The following KANK1 variants were observed in gnomAD, a reference collection of about 807,000 sequenced individuals.
The protein encoded by KANK1 is KN motif and ankyrin repeat domains 1, also known as KN motif and ankyrin repeat domain-containing protein 1.
Under a neutral mutation model 106.2 loss-of-function variants are expected in KANK1, and 109 were observed. That is an observed-to-expected ratio of 1.03 (90% CI 0.88 to 1.20). The LOEUF is 1.20. Among genes scored for constraint, KANK1 ranks in the 50% most tolerant of loss-of-function variants. The pLI is 0.00. For missense variants in KANK1, 2,399 were observed against 1,710.7 expected (o/e 1.40, Z -7.10); for synonymous variants, 873 against 652.2 (o/e 1.34, Z -5.16).
At chr9:574,224 G>A (rs1819947910) in intron 1 of KANK1, among the ~76,000 whole-genome samples, 1 of 152,246 alleles carries the variant, frequency 6.6e-6, no homozygotes, top group East Asian at 1.9e-4. Flanking sequence ...TTCCATAAAG[G>A]CTAAGGATCA....
At chr9:604,753 C>G (rs1828665312) in intron 1 of KANK1, among the ~76,000 whole-genome samples, 1 of 151,720 alleles carries the variant, frequency 6.6e-6, no homozygotes, top group African/African-American at 2.4e-5. Flanking sequence ...TCGATTGAAC[C>G]TGACAGATGG....
intron 1 of KANK1, among the ~76,000 whole-genome samples, chr9:533,543 C>T (rs778711863): frequency 9.9e-5 from 15 of 152,236 alleles, no homozygotes; most frequent in Non-Finnish European, 4.4e-5. Flanking sequence ...CCAAAACACT[C>T]TTAGACCATC....
intron 3 of KANK1, among the ~76,000 whole-genome samples, chr9:497,832 GAC>G (rs1352387933): frequency 6.9e-6 from 1 of 144,584 alleles, no homozygotes; most frequent in Non-Finnish European, 1.5e-5. Flanking sequence ...CAGCCTGGGC[GAC>G]AGAGTGAGAC....
chr9:584,358 A>C (rs1212433363), intron 1 of KANK1, among the ~76,000 whole-genome samples: 1 of 152,234 alleles, frequency 6.6e-6, no homozygotes, highest in African/African-American at 2.4e-5. Flanking sequence ...CGGTTCAACA[A>C]AGTGCTAATT....
chr9:739,098 C>G (rs750287570), intron 8 of KANK1, among the ~76,000 whole-genome samples: 1 of 152,236 alleles, frequency 6.6e-6, no homozygotes, highest in Admixed American at 6.5e-5. Flanking sequence ...ATAGTAGAAA[C>G]TTGTTATCCC....
intron 3 of KANK1, among the ~76,000 whole-genome samples, chr9:474,149 G>A (rs540881240): frequency 2.0e-5 from 3 of 152,224 alleles, no homozygotes; most frequent in African/African-American, 7.2e-5. Flanking sequence ...GGGTGAGTGA[G>A]TGTATGGATA....
At chr9:550,928 C>T (rs960424300) in intron 1 of KANK1, among the ~76,000 whole-genome samples, 19 of 152,056 alleles carry the variant, frequency 1.2e-4, no homozygotes, top group African/African-American at 4.1e-4. Context: ...GGAAAAGGCT[C>T]CAGGAGTCTT....
intron 3 of KANK1, chr9:492,018 T>C (rs1262118268): frequency 6.6e-6 from 1 of 152,244 alleles, no homozygotes; most frequent in Non-Finnish European, 1.5e-5. Context: ...CTTTCTTTTG[T>C]AAATTACCCA....
intron 1 of KANK1, among the ~76,000 whole-genome samples, chr9:613,134 A>T (rs1375345823): frequency 6.6e-6 from 1 of 152,084 alleles, no homozygotes; most frequent in Non-Finnish European, 1.5e-5. Flanking sequence ...TAAGTAGACC[A>T]GAATAGGCCA....
chr9:667,023 G>A (rs1844786731), intron 1 of KANK1, among the ~76,000 whole-genome samples: 1 of 132,928 alleles, frequency 7.5e-6, no homozygotes, highest in Non-Finnish European at 1.6e-5. Context: ...TGAAGACTTT[G>A]AGTAGAATTA....
chr9:735,743 C>G (rs1352663322), intron 7 of KANK1: 1 of 441,114 alleles, frequency 2.3e-6, no homozygotes, highest in Non-Finnish European at 4.7e-6. Flanking sequence ...CCTATGATCC[C>G]AACACTTCGG....
chr9:727,324 T>G (rs1299627638), intron 3 of KANK1, among the ~76,000 whole-genome samples: 1 of 114,642 alleles, frequency 8.7e-6, no homozygotes, highest in East Asian at 2.0e-4. Context: ...CCAAGGAAAT[T>G]TTTTTTTTTT....
At chr9:665,904 G>A (rs1197368854) in intron 1 of KANK1, among the ~76,000 whole-genome samples, 1 of 152,072 alleles carries the variant, frequency 6.6e-6, no homozygotes, top group Admixed American at 6.5e-5. Flanking sequence ...CAGGGGCCAG[G>A]CACAGTGGCT....
intron 2 of KANK1, among the ~76,000 whole-genome samples, chr9:709,475 G>T (rs1264765020): frequency 6.6e-6 from 1 of 152,170 alleles, no homozygotes; most frequent in African/African-American, 2.4e-5. Flanking sequence ...GACTTTGTCT[G>T]TCTGCTACTG....
chr9:540,681 G>C (rs1003935271), intron 1 of KANK1: 6 of 152,200 alleles, frequency 3.9e-5, no homozygotes, highest in African/African-American at 9.6e-5. Flanking sequence ...TGTGATTTCT[G>C]ATTCAATCTC....
intron 1 of KANK1, among the ~76,000 whole-genome samples, chr9:510,383 A>C (rs763300034): frequency 6.6e-6 from 1 of 152,244 alleles, no homozygotes. Context: ...CTAATAATTA[A>C]AAATACCAGT....
chr9:588,167 C>G (rs1823973307), intron 1 of KANK1, among the ~76,000 whole-genome samples: 1 of 152,006 alleles, frequency 6.6e-6, no homozygotes, highest in Non-Finnish European at 1.5e-5. Context: ...ATACCAAAGC[C>G]CATATCAGTG....
chr9:534,953 T>TA (rs1419392141), intron 1 of KANK1, among the ~76,000 whole-genome samples: 2 of 152,192 alleles, frequency 1.3e-5, no homozygotes, highest in African/African-American at 4.8e-5. Flanking sequence ...GAAGCTGAGG[T>TA]AAGAAGCCAG....
At position 742,269 on chromosome 9, in the gene KANK1, T is replaced by G; in HGVS notation, c.3761T>G (p.Leu1254Arg). The G allele has an allele frequency of 1.2e-6, 2 of 1,614,206 alleles. No individual in the cohort carries two copies. Among genetic ancestry groups the G allele is most frequent in the East Asian group, 2.2e-5 (1 of 44,884 alleles). The change falls in exon 10 of 12, where the codon CTG (leucine) becomes CGG (arginine). Residue 1254 changes from leucine to arginine, a missense_variant. Leu to Arg is a moderately radical substitution (Grantham distance 102, BLOSUM62 -2). Coordinates refer to ENST00000382297, the MANE Select transcript of KANK1 (RefSeq NM_015158.5). ...CGGATAGACATGGTGAAGGGCCTTCTGGCCTGTGGGGCTGATGTCAACATC... is the reference window on the plus strand; with the variant it reads ...CGGATAGACATGGTGAAGGGCCTTCGGGCCTGTGGGGCTGATGTCAACATC... ...HGRIDMVKGL[L>R]ACGADVNIQD...
Sources: allele counts gnomAD v4.1 joint callset (sites outside exome capture counted in the v4.1 genomes callset), GRCh38; gene constraint gnomAD v4.1.1; transcripts MANE v1.5; gene names NCBI Gene and HGNC (gene_info 2026-07-23, HGNC 2026-07-21).